The following LCLAT1 variants were observed in gnomAD, a reference collection of about 807,000 sequenced individuals.
The protein encoded by LCLAT1 is lysocardiolipin acyltransferase 1.
A neutral mutation model predicts 30.7 loss-of-function variants in LCLAT1; 11 were observed. The ratio of observed to expected loss-of-function variants is 0.36; its 90% CI spans 0.23 to 0.59. The LOEUF is 0.59. Among genes scored for constraint, LCLAT1 ranks in the 20% least tolerant of loss-of-function variants. LCLAT1 has a pLI of 0.77. For synonymous variants in LCLAT1, 155 were observed against 151.3 expected (o/e 1.02, Z -0.18); for missense variants, 402 against 458.6 (o/e 0.88, Z 1.13).
chr2:30,462,735 G>A (rs986758629), intron 1 of LCLAT1, among the ~76,000 whole-genome samples: 6 of 152,168 alleles, frequency 3.9e-5, no homozygotes, highest in African/African-American at 1.4e-4. Flanking sequence ...ATAAGGTTGG[G>A]TGATTATGTT....
At chr2:30,586,601 C>T (rs1666454183) in intron 5 of LCLAT1, among the ~76,000 whole-genome samples, 1 of 152,158 alleles carries the variant, frequency 6.6e-6, no homozygotes, top group South Asian at 2.1e-4. Context: ...TTCCAGTAAA[C>T]ATTAAATTGG....
At chr2:30,455,638 G>A (rs558940144) in intron 1 of LCLAT1, among the ~76,000 whole-genome samples, 8 of 152,176 alleles carry the variant, frequency 5.3e-5, no homozygotes, top group East Asian at 1.9e-4. Context: ...GGTGGCTCAC[G>A]CCTGTAATCC....
At chr2:30,594,012 T>TA (rs941598815) in intron 5 of LCLAT1, among the ~76,000 whole-genome samples, 2 of 151,818 alleles carry the variant, frequency 1.3e-5, no homozygotes, top group African/African-American at 2.4e-5. Flanking sequence ...ACCTATACAC[T>TA]AAAAAAATTA....
intron 5 of LCLAT1, among the ~76,000 whole-genome samples, chr2:30,634,007 T>A (rs1668898876): frequency 6.6e-6 from 1 of 152,232 alleles, no homozygotes; most frequent in Admixed American, 6.5e-5. Context: ...CTTGATGTGC[T>A]CAGAGACACT....
chr2:30,550,981 G>A (rs1664650783), intron 3 of LCLAT1, among the ~76,000 whole-genome samples: 1 of 151,800 alleles, frequency 6.6e-6, no homozygotes, highest in African/African-American at 2.4e-5. Context: ...TTGGCCATTG[G>A]GAGTTTTCTT....
chr2:30,622,146 C>G (rs949880989), intron 5 of LCLAT1, among the ~76,000 whole-genome samples: 3 of 152,086 alleles, frequency 2.0e-5, no homozygotes, highest in African/African-American at 7.2e-5. Flanking sequence ...GTCACTGTTC[C>G]CTGGCGACCT....
intron 5 of LCLAT1, among the ~76,000 whole-genome samples, chr2:30,588,376 G>C (rs1404438780): frequency 6.6e-6 from 1 of 152,148 alleles, no homozygotes; most frequent in Non-Finnish European, 1.5e-5. Flanking sequence ...TCATGTGGCT[G>C]TGCCCCCAAA....
chr2:30,487,815 GGTGTTATAA>G (rs1683637298), intron 1 of LCLAT1, among the ~76,000 whole-genome samples: 1 of 152,088 alleles, frequency 6.6e-6, no homozygotes, highest in African/African-American at 2.4e-5. Flanking sequence ...ACCTGATGCT[GGTGTTATAA>G]TTTAAGTTGT....
chr2:30,455,627 T>C (rs1681794633), intron 1 of LCLAT1, among the ~76,000 whole-genome samples: 1 of 152,090 alleles, frequency 6.6e-6, no homozygotes, highest in Admixed American at 6.6e-5. Flanking sequence ...AGGCTGGGTG[T>C]GGTGGCTCAC....
At chr2:30,606,699 T>C (rs374571271) in intron 5 of LCLAT1, 11 of 151,096 alleles carry the variant, frequency 7.3e-5, no homozygotes, top group African/African-American at 2.7e-4. Flanking sequence ...ATGATGAAGA[T>C]GACAAAAGCA....
At chr2:30,459,836 A>G (rs1682022259) in intron 1 of LCLAT1, 2 of 713,894 alleles carry the variant, frequency 2.8e-6, no homozygotes, top group Admixed American at 2.3e-5. Context: ...TATTGTTGAC[A>G]TGTTCTATGC....
At chr2:30,601,828 A>G (rs1266265104) in intron 5 of LCLAT1, among the ~76,000 whole-genome samples, 1 of 151,676 alleles carries the variant, frequency 6.6e-6, no homozygotes, top group Admixed American at 6.6e-5. Flanking sequence ...ATATCTATAG[A>G]TAGATATATT....
chr2:30,616,842 A>C (rs1668017203), intron 5 of LCLAT1, among the ~76,000 whole-genome samples: 1 of 152,210 alleles, frequency 6.6e-6, no homozygotes. Flanking sequence ...TAATACCAAA[A>C]AAAAAAAATT....
chr2:30,617,908 G>T (rs1196070324), intron 5 of LCLAT1, among the ~76,000 whole-genome samples: 1 of 151,764 alleles, frequency 6.6e-6, no homozygotes, highest in Non-Finnish European at 1.5e-5. Context: ...TAATATATTT[G>T]GTTTGCAAAC....
At chr2:30,484,869 G>C (rs1035583589) in intron 1 of LCLAT1, among the ~76,000 whole-genome samples, 1 of 152,062 alleles carries the variant, frequency 6.6e-6, no homozygotes, top group Admixed American at 6.5e-5. Context: ...CTAAAATTCT[G>C]TTTGTAGAAA....
intron 1 of LCLAT1, among the ~76,000 whole-genome samples, chr2:30,452,120 A>G (rs1681581223): frequency 6.6e-6 from 1 of 152,202 alleles, no homozygotes; most frequent in African/African-American, 2.4e-5. Flanking sequence ...ACCTTCTGGC[A>G]ACATTTTATA....
chr2:30,484,489 A>G (rs1221159423), intron 1 of LCLAT1, among the ~76,000 whole-genome samples: 1 of 152,090 alleles, frequency 6.6e-6, no homozygotes, highest in African/African-American at 2.4e-5. Flanking sequence ...GGGTTTTCTC[A>G]GTTTCATTAT....
chr2:30,594,202 A>T (rs1382997988), intron 5 of LCLAT1, among the ~76,000 whole-genome samples: 1 of 152,132 alleles, frequency 6.6e-6, no homozygotes, highest in Non-Finnish European at 1.5e-5. Flanking sequence ...TCTAATAAAA[A>T]TTTTAAAAAA....
chr2:30,517,923 G>A (rs1685266142), intron 1 of LCLAT1, among the ~76,000 whole-genome samples: 2 of 152,320 alleles, frequency 1.3e-5, no homozygotes, highest in Admixed American at 1.3e-4. Flanking sequence ...AAACAAGGGT[G>A]TAGCCAAAAG....
Sources: gnomAD v4.1 joint callset for allele counts (sites outside exome capture counted in the v4.1 genomes callset) on GRCh38, gnomAD v4.1.1 for gene constraint, MANE v1.5 for transcripts, NCBI Gene and HGNC (gene_info 2026-07-23, HGNC 2026-07-21) for gene names.